The following SNAPC3 variants were observed in gnomAD, a reference collection of about 807,000 sequenced individuals.
The protein encoded by SNAPC3 is small nuclear RNA activating complex polypeptide 3.
In SNAPC3, 56 loss-of-function variants were observed where a neutral mutation model predicts 47.7. The ratio of observed to expected loss-of-function variants is 1.18; its 90% CI spans 0.95 to 1.47. SNAPC3 has a LOEUF of 1.47. Ranked by LOEUF, SNAPC3 falls within the 40% of genes most tolerant of loss-of-function variation. SNAPC3 has a pLI of 0.00. For synonymous variants in SNAPC3, 235 were observed against 189.9 expected (o/e 1.24, Z -1.95); for missense variants, 665 against 511.3 (o/e 1.30, Z -2.90).
chr9:15,426,625 A>G (rs748348904), intron 2 of SNAPC3, among the ~76,000 whole-genome samples: 9 of 152,252 alleles, frequency 5.9e-5, no homozygotes, highest in Non-Finnish European at 1.2e-4. Context: ...TAATCATATT[A>G]AAGCAGACTC....
rs540361540 is a variant in SNAPC3, at chr9:15,437,165, C to G, written c.477+3529C>G. 6.6e-5 allele frequency among the ~76,000 whole-genome samples: 10 copies of G among 151,934 alleles called. No homozygotes were observed. In the East Asian group the frequency reaches 1.9e-3, roughly 30 times the overall value. On this transcript the variant is annotated intron_variant, in intron 3 of 8. Coordinates refer to ENST00000380821, the MANE Select transcript of SNAPC3 (RefSeq NM_001039697.2). ...ATACTCTTTATGTATACAACCCTTT[C>G]ACTTCCTTGGTTAAATTTATCCCTA... is the stretch of plus-strand genomic sequence containing the variant.
At chr9:15,464,560 A>T (rs1237301988), downstream of SNAPC3, 1 of 199,562 alleles carries the variant, frequency 5.0e-6, no homozygotes, top group Admixed American at 6.0e-5. Flanking sequence ...AAATAAAAAC[A>T]ATATAGCCAT....
intron 2 of SNAPC3, among the ~76,000 whole-genome samples, chr9:15,427,716 C>G (rs1346635383): frequency 6.6e-6 from 1 of 152,112 alleles, no homozygotes; most frequent in Non-Finnish European, 1.5e-5. Context: ...ACTTTTGTGA[C>G]CAAGAAAGCA....
chr9:15,448,507 C>G (rs765962372), intron 5 of SNAPC3, among the ~76,000 whole-genome samples: 5 of 152,174 alleles, frequency 3.3e-5, no homozygotes, highest in Non-Finnish European at 7.3e-5. Flanking sequence ...TTTCTTGACT[C>G]CTTTCTTTGT....
chr9:15,466,574 C>T (rs2035641658), downstream of SNAPC3, among the ~76,000 whole-genome samples: 1 of 152,184 alleles, frequency 6.6e-6, no homozygotes, highest in African/African-American at 2.4e-5. Context: ...AAGTCACTGT[C>T]AATAAAAGGT....
chr9:15,458,025 T>TA lies in SNAPC3; in HGVS notation c.1047dup (p.Trp350MetfsTer9). On this transcript the variant is annotated frameshift_variant, in exon 8 of 9. Transcript: ENST00000380821. LOFTEE classifies it high-confidence loss of function. ...CCCCTCCTTATCAAGAAGCATTGGC[T>TA]ATGGACCAGAAAATGTTTTGTTTGT... The TA allele has an allele frequency of 1.3e-6, 2 of 1,592,280 alleles. No individual in the cohort carries two copies. The highest frequency in any genetic ancestry group is 1.7e-6 in the Non-Finnish European group (2 of 1,172,684).
rs2035203144 is a variant in SNAPC3, at chr9:15,461,325, C to G, written c.*1459C>G. The G allele has an allele frequency of 6.6e-6, 1 of 152,098 alleles. No homozygotes were observed. Among genetic ancestry groups the G allele is most frequent in the African/African-American group, 2.4e-5 (1 of 41,416 alleles). The allele number at this position is 152,098 out of a possible 1,614,324, so 9.4% of individuals were successfully genotyped here. A position where few individuals can be genotyped will look rare whatever the true frequency, so the allele number is the denominator to read the frequency against. On this transcript the variant is annotated 3_prime_UTR_variant, in exon 9 of 9. Transcript: ENST00000380821. ...TGGTGGCACAGGCCACCATGGCGGG[C>G]TAATTTTTTTATTTCTTGTAGATAC...
intron 5 of SNAPC3, among the ~76,000 whole-genome samples, chr9:15,447,904 C>G (rs996967582): frequency 1.3e-5 from 2 of 152,146 alleles, no homozygotes; most frequent in African/African-American, 4.8e-5. Flanking sequence ...CTGCATACCC[C>G]CTGGATAAGG....
intron 2 of SNAPC3, among the ~76,000 whole-genome samples, chr9:15,432,995 A>AT (rs2032353541): frequency 6.6e-6 from 1 of 152,230 alleles, no homozygotes; most frequent in South Asian, 2.1e-4. Flanking sequence ...AAACATCACT[A>AT]GTAAGATGTC....
chr9:15,437,731 G>C (rs1383106474), intron 3 of SNAPC3, among the ~76,000 whole-genome samples: 1 of 151,554 alleles, frequency 6.6e-6, no homozygotes, highest in Non-Finnish European at 1.5e-5. Context: ...ATTCCACTTG[G>C]TTGTGGGATT....
intron 6 of SNAPC3, 28 bp from the exon 7 acceptor site, chr9:15,453,013 G>A (rs765396635): frequency 6.4e-7 from 1 of 1,567,968 alleles, no homozygotes; most frequent in South Asian, 1.2e-5. Context: ...GTGGAAAAAT[G>A]ATATATCCTT....
In SNAPC3 at chr9:15,422,979, C is replaced by A. The variant is rs1346637304; in HGVS notation, c.100C>A (p.Leu34Ile). ...SGGCNFPEYELPELNTRAFHV... is the reference protein window; with the variant it reads ...SGGCNFPEYEIPELNTRAFHV... The stretch of plus-strand genomic sequence containing the variant: ...CGGCTGCAACTTTCCAGAGTATGAG[C>A]TTCCCGAGCTAAATACGCGCGCTTT... Residue 34 changes from leucine (L) to isoleucine (I), a missense_variant, in exon 1 of 9, where the codon CTT becomes ATT. Coordinates refer to ENST00000380821, the MANE Select transcript of SNAPC3 (RefSeq NM_001039697.2). 2 of 1,542,356 alleles carry A rather than the reference C, an allele frequency of 1.3e-6. No homozygotes were observed. Among genetic ancestry groups the A allele is most frequent in the East Asian group, 4.9e-5 (2 of 40,562 alleles).
intron 3 of SNAPC3, among the ~76,000 whole-genome samples, chr9:15,440,065 C>T (rs2033187376): frequency 6.6e-6 from 1 of 152,172 alleles, no homozygotes; most frequent in Admixed American, 6.5e-5. Context: ...ACTCTGCTTC[C>T]ACATCTTTGT....
At chr9:15,442,906 C>G (rs7470323) in intron 3 of SNAPC3, among the ~76,000 whole-genome samples, 7 of 152,188 alleles carry the variant, frequency 4.6e-5, no homozygotes, top group Middle Eastern at 6.8e-3. Context: ...AAGGAGACTC[C>G]GTCTGCAATC....
chr9:15,430,183 C>G (rs911891102), intron 2 of SNAPC3, among the ~76,000 whole-genome samples: 2 of 152,190 alleles, frequency 1.3e-5, no homozygotes, highest in African/African-American at 4.8e-5. Context: ...GTACTCTCAA[C>G]ACTTGGGGAG....
At chr9:15,465,660 T>C (rs1346058928), downstream of SNAPC3, 3 of 1,231,348 alleles carry the variant, frequency 2.4e-6, no homozygotes, top group Non-Finnish European at 3.4e-6. Flanking sequence ...GTCTGCATTA[T>C]ATTTTTAAAC....
At chr9:15,452,556 G>C (rs927393455) in intron 6 of SNAPC3, among the ~76,000 whole-genome samples, 10 of 151,422 alleles carry the variant, frequency 6.6e-5, no homozygotes, top group Admixed American at 3.9e-4. Context: ...GACCTCAAGC[G>C]ATCCGCCCAC....
At chr9:15,431,524 A>G (rs776609453) in intron 2 of SNAPC3, among the ~76,000 whole-genome samples, 23 of 151,640 alleles carry the variant, frequency 1.5e-4, no homozygotes, top group Non-Finnish European at 2.6e-4. Flanking sequence ...AGGAGATAAC[A>G]GAGTATACAC....
chr9:15,465,906 G>T (rs1446460025), downstream of SNAPC3: 1 of 230,692 alleles, frequency 4.3e-6, no homozygotes, highest in Non-Finnish European at 8.3e-6. Flanking sequence ...TTATATCTGT[G>T]ATACCAACAT....
Sources: gnomAD v4.1 joint callset for allele counts (sites outside exome capture counted in the v4.1 genomes callset) on GRCh38, gnomAD v4.1.1 for gene constraint, MANE v1.5 for transcripts, NCBI Gene and HGNC (gene_info 2026-07-23, HGNC 2026-07-21) for gene names.